The following DYNC1H1 variants were observed in gnomAD, a reference collection of about 807,000 sequenced individuals.
DYNC1H1 encodes the protein cytoplasmic dynein 1 heavy chain 1.
In DYNC1H1, 51 loss-of-function variants were observed where a neutral mutation model predicts 527.1. The ratio of observed to expected loss-of-function variants is 0.10; its 90% CI spans 0.08 to 0.12. DYNC1H1 has a LOEUF of 0.12. DYNC1H1 is among the 10% of genes least tolerant of loss of function. The pLI, the probability that DYNC1H1 is intolerant of heterozygous loss-of-function variation, is 1.00. For synonymous variants in DYNC1H1, 2,189 were observed against 2,278.8 expected (o/e 0.96, Z 1.12); for missense variants, 2,771 against 5,971.8 (o/e 0.46, Z 17.66).
chr14:101,983,413 C>T lies in DYNC1H1; in HGVS notation c.1265C>T (p.Thr422Ile). ...GTAGCATGCTTTGAAGTTTTTCAGA[C>T]TTGGGATGATGAGTATGAGAAACTT... ...VMVACFEVFQ[T>I]WDDEYEKLQV... The change falls in exon 7 of 78, where the codon ACT (threonine) becomes ATT (isoleucine). Residue 422 changes from threonine to isoleucine, a missense_variant. By Grantham distance (89) the Thr-to-Ile change is moderately conservative (BLOSUM62 -1). Around this residue, in one of 32 missense-constraint regions of DYNC1H1, gnomAD observed 264 missense variants for 619.4 expected, o/e 0.43. Transcript: ENST00000360184. This position sits in a 1 kb window ranked among gnomAD's most constrained non-coding sequence, Gnocchi z 5.3. 2 of 1,614,050 alleles carry T rather than the reference C, an allele frequency of 1.2e-6. No individual in the cohort carries two copies. The highest frequency in any genetic ancestry group is 1.7e-6 in the Non-Finnish European group (2 of 1,180,020).
At chr14:102,048,379 C>T in intron 73 of DYNC1H1, 137 bp from the exon 74 acceptor site, 1 of 1,235,216 alleles carries the variant, frequency 8.1e-7, no homozygotes, top group South Asian at 1.3e-5. Context: ...AAGTCACGCT[C>T]TGCCAAAGCT....
rs960963989 is a variant in DYNC1H1 at position 102,002,923 on chromosome 14, C to T, written c.4841C>T (p.Ala1614Val). Residue 1614 changes from alanine to valine, a missense_variant, in exon 23 of 78, where the codon GCA becomes GTA. Physicochemically the swap from Ala to Val is moderately conservative, Grantham distance 64. Transcript: ENST00000360184. The surrounding 1 kb of genome is among the most constrained non-coding windows in gnomAD (Gnocchi z 4.4). ...LADLLGKIQK[A>V]LGEYLERERS... ...GACCTGCTAGGAAAGATCCAGAAAGCATTGGGAGAATATCTGGAAAGAGAG... is the reference window on the plus strand; with the variant it reads ...GACCTGCTAGGAAAGATCCAGAAAGTATTGGGAGAATATCTGGAAAGAGAG... The T allele has an allele frequency of 6.2e-7, 1 of 1,614,078 alleles. No homozygotes were observed. Among genetic ancestry groups the T allele is most frequent in the African/African-American group, 1.3e-5 (1 of 74,934 alleles).
intron 1 of DYNC1H1, among the ~76,000 whole-genome samples, chr14:101,972,020 T>A (rs2047744570): frequency 6.6e-6 from 1 of 152,210 alleles, no homozygotes; most frequent in African/African-American, 2.4e-5. Context: ...GTCTGTTACA[T>A]TTTAACAGTA....
intron 10 of DYNC1H1, among the ~76,000 whole-genome samples, chr14:101,989,724 G>T (rs573356385): frequency 4.0e-5 from 6 of 151,646 alleles, no homozygotes; most frequent in Non-Finnish European, 8.8e-5. Flanking sequence ...TTCCACCTTT[G>T]AATATTACTA....
Position 102,033,957 on chromosome 14 carries a change from T to C in DYNC1H1, c.10414-19T>C, listed in dbSNP as rs2048540980. On this transcript the variant is annotated intron_variant, in intron 54 of 77. Coordinates refer to ENST00000360184, the MANE Select transcript of DYNC1H1 (RefSeq NM_001376.5). This position sits in a 1 kb window ranked among gnomAD's most constrained non-coding sequence, Gnocchi z 5.6. ...TGAAAGGCCTCATCCCTGAGCATCT[T>C]GTTCGGTTTTCCTTTTAGGTAAACC... 1 of 1,613,296 alleles carries C rather than the reference T, an allele frequency of 6.2e-7. No individual in the cohort carries two copies. Among genetic ancestry groups the C allele is most frequent in the African/African-American group, 1.3e-5 (1 of 75,048 alleles).
chr14:102,036,381 T>C lies in DYNC1H1; in HGVS notation c.10755-108T>C. 1 of 1,468,526 alleles carries C rather than the reference T, an allele frequency of 6.8e-7. No homozygotes were observed. Among genetic ancestry groups the C allele is most frequent in the Non-Finnish European group, 9.5e-7 (1 of 1,055,472 alleles). 91.0% of individuals were successfully genotyped at this position (1,468,526 alleles called of 1,614,324 possible). On this transcript the variant is annotated intron_variant, in intron 56 of 77. Transcript: ENST00000360184. This position sits in a 1 kb window ranked among gnomAD's most constrained non-coding sequence, Gnocchi z 5.6. Reference sequence around the variant, plus strand: ...GTCTCCGGAAACCACTCTCGGGTGGTGGTAACAGCCTATCAATCAGGGTCT... The same window carrying C: ...GTCTCCGGAAACCACTCTCGGGTGGCGGTAACAGCCTATCAATCAGGGTCT...
At chr14:102,032,751 G>A (rs2048524119) in intron 52 of DYNC1H1, 2 of 567,064 alleles carry the variant, frequency 3.5e-6, no homozygotes, top group Non-Finnish European at 6.3e-6. Flanking sequence ...TACTTGGGAG[G>A]CTGAGGTGGG....
chr14:101,980,772 A>G (rs2047854213), intron 5 of DYNC1H1, among the ~76,000 whole-genome samples: 1 of 152,218 alleles, frequency 6.6e-6, no homozygotes, highest in South Asian at 2.1e-4. Context: ...ATTTAAGAAC[A>G]TGAAACAGTC....
chr14:102,039,983 G>T lies in DYNC1H1; in HGVS notation c.11690+251G>T, dbSNP rs554905754. On this transcript the variant is annotated intron_variant, in intron 62 of 77. Transcript: ENST00000360184. This position sits in a 1 kb window ranked among gnomAD's most constrained non-coding sequence, Gnocchi z 7.0. ...CTCCGAAGTAGCTAGGACTATAGGC[G>T]CAGGCCACCACATCTGGCTAATTTT... Among the ~76,000 whole-genome samples the T allele has an allele frequency of 1.3e-5, 2 of 152,096 alleles. No homozygotes were observed.
At position 102,025,398 on chromosome 14, in the gene DYNC1H1, C is replaced by G. The variant is rs530622531; in HGVS notation, c.8638-1176C>G. Reference sequence around the variant, plus strand: ...CTAGCCTGGGCGACAGAGGGAGACTCTGTCTCAAAAAAAAAAAAAAATTGC... The same window carrying G: ...CTAGCCTGGGCGACAGAGGGAGACTGTGTCTCAAAAAAAAAAAAAAATTGC... On this transcript the variant is annotated intron_variant, in intron 43 of 77. Transcript: ENST00000360184. Among the ~76,000 whole-genome samples, 3 of 148,862 alleles carry G rather than the reference C, an allele frequency of 2.0e-5. No homozygotes were observed. The South Asian group carries it at 6.4e-4, about 32-fold the overall frequency.
In DYNC1H1 at chr14:102,040,205, GA is replaced by G. The variant is rs781768997; in HGVS notation, c.11691-30del. 7 of 1,612,974 alleles carry G rather than the reference GA, an allele frequency of 4.3e-6. No individual in the cohort carries two copies. In the South Asian group the frequency reaches 7.7e-5, roughly 18 times the overall value. ...AGTGACAGTGGGAGTGAACGTGAGA[GA>G]CCCTAGCTAACCTGTTGCACCCTTC... On this transcript the variant is annotated intron_variant, in intron 62 of 77. Transcript: ENST00000360184.
intron 56 of DYNC1H1, chr14:102,034,911 G>T: frequency 4.6e-6 from 1 of 219,056 alleles, no homozygotes; most frequent in Non-Finnish European, 8.9e-6. Flanking sequence ...GGGCAACAGA[G>T]TGAGAATCCA....
rs370859027 is a variant in DYNC1H1 at position 101,986,793 on chromosome 14, T to C, written c.2538+30T>C. On this transcript the variant is annotated intron_variant, in intron 8 of 77. Coordinates refer to ENST00000360184, the MANE Select transcript of DYNC1H1 (RefSeq NM_001376.5). The surrounding 1 kb of genome is among the most constrained non-coding windows in gnomAD (Gnocchi z 8.7). ...GCTCTCATGTAATCCTCAGGTGTCC[T>C]GGTAACGAATGAAGCACAGTAATAG... The C allele has an allele frequency of 8.1e-6, 13 of 1,612,184 alleles. No homozygotes were observed. Among genetic ancestry groups the C allele is most frequent in the African/African-American group, 1.3e-5 (1 of 74,884 alleles).
intron 28 of DYNC1H1, among the ~76,000 whole-genome samples, chr14:102,007,383 G>T (rs1211015429): frequency 1.3e-5 from 2 of 152,068 alleles, no homozygotes; most frequent in African/African-American, 4.8e-5. Context: ...CATTTTTAGT[G>T]CCTGTGTCTT....
At position 102,041,403 on chromosome 14, in the gene DYNC1H1, C is replaced by T; in HGVS notation, c.11942-171C>T. The T allele has an allele frequency of 9.7e-7, 1 of 1,028,228 alleles. No homozygotes were observed. Among genetic ancestry groups the T allele is most frequent in the Admixed American group, 1.7e-5 (1 of 57,742 alleles). The allele number at this position is 1,028,228 out of a possible 1,614,324, so 63.7% of individuals were successfully genotyped here. A position where few individuals can be genotyped will look rare whatever the true frequency, so the allele number is the denominator to read the frequency against. On this transcript the variant is annotated intron_variant, in intron 64 of 77. Coordinates refer to ENST00000360184, the MANE Select transcript of DYNC1H1 (RefSeq NM_001376.5). The surrounding 1 kb of genome is among the most constrained non-coding windows in gnomAD (Gnocchi z 4.5). ...AGTAAGGTGTTCTCACAGGCGTGTC[C>T]AGAGGGCTCACGGAAGGCACAGCAG...
chr14:102,047,637 G>GTACATATATATATATATATATATATA (rs1311727690), intron 72 of DYNC1H1, 180 bp from the exon 73 acceptor site: 1 of 392,602 alleles, frequency 2.5e-6, no homozygotes, highest in Admixed American at 4.1e-5. Context: ...GTGTGTGTGT[G>GTACATATATATATATATATATATATA]TGTGTATATA....
At chr14:101,987,994 C>T (rs1217962500) in intron 9 of DYNC1H1, among the ~76,000 whole-genome samples, 3 of 152,152 alleles carry the variant, frequency 2.0e-5, no homozygotes, top group Non-Finnish European at 4.4e-5. Context: ...GGGAGGATCA[C>T]TTGAGCCCAG....
intron 12 of DYNC1H1, 130 bp downstream of exon 12, chr14:101,994,454 T>C (rs2048034696): frequency 1.4e-6 from 2 of 1,444,812 alleles, no homozygotes; most frequent in South Asian, 1.2e-5. Context: ...TATTTGCTGT[T>C]TCAAAGCAGA....
chr14:102,009,736 TC>T lies in DYNC1H1; in HGVS notation c.5978-104del, dbSNP rs2048237364. 1.9e-6 allele frequency: 3 copies of T among 1,577,834 alleles called. No homozygotes were observed. In the East Asian group the frequency reaches 6.9e-5, roughly 36 times the overall value. On this transcript the variant is annotated intron_variant, in intron 29 of 77. Transcript: ENST00000360184. ...CCCCCGAGGAAGCGTCTACTTCAGC[TC>T]CCTGGGAGAACGAGAGCTTTGTCTG...
Sources: gnomAD v4.1 joint callset for allele counts (sites outside exome capture counted in the v4.1 genomes callset) on GRCh38, gnomAD v4.1.1 for gene constraint, gnomAD v4.1.1 regional missense constraint, Gnocchi (gnomAD v3.1) non-coding constraint, MANE v1.5 for transcripts, NCBI Gene and HGNC (gene_info 2026-07-23, HGNC 2026-07-21) for gene names.